Variants in ZSWIM6 observed in about 807,000 individuals in gnomAD.
ZSWIM6 encodes zinc finger SWIM-type containing 6.
In ZSWIM6, 9 loss-of-function variants were observed where a neutral mutation model predicts 113.2. The ratio of observed to expected loss-of-function variants is 0.08; its 90% CI spans 0.05 to 0.14. The LOEUF (loss-of-function observed/expected upper bound fraction) is 0.14. ZSWIM6 is among the 10% of genes least tolerant of loss of function. The pLI, the probability that ZSWIM6 is intolerant of heterozygous loss-of-function variation, is 1.00. For synonymous variants in ZSWIM6, 611 were observed against 606.5 expected (o/e 1.01, Z -0.11); for missense variants, 1,162 against 1,552.2 (o/e 0.75, Z 4.22).
At chr5:61,460,745 T>C (rs951498710) in intron 1 of ZSWIM6, among the ~76,000 whole-genome samples, 1 of 152,116 alleles carries the variant, frequency 6.6e-6, no homozygotes, top group Non-Finnish European at 1.5e-5. Flanking sequence ...TTGTTGAGTA[T>C]CATAATATAT....
intron 1 of ZSWIM6, among the ~76,000 whole-genome samples, chr5:61,366,461 A>G (rs1269231101): frequency 4.6e-5 from 7 of 152,238 alleles, no homozygotes; most frequent in African/African-American, 1.7e-4. Flanking sequence ...CTCTAAAAAG[A>G]CAAAACTAGA....
intron 1 of ZSWIM6, among the ~76,000 whole-genome samples, chr5:61,459,745 A>G (rs147389626): frequency 6.6e-6 from 1 of 152,340 alleles, no homozygotes; most frequent in African/African-American, 2.4e-5. Context: ...TCTAAGTGCC[A>G]CCAGATCTTA....
chr5:61,401,487 T>C (rs1457942823), intron 1 of ZSWIM6, among the ~76,000 whole-genome samples: 4 of 152,118 alleles, frequency 2.6e-5, no homozygotes, highest in Admixed American at 2.6e-4. Context: ...ATAAAGGGTA[T>C]ATAGATACCC....
In ZSWIM6 at chr5:61,384,976, C is replaced by T. The variant is rs1002500366; in HGVS notation, c.676+52028C>T. Reference sequence around the variant, plus strand: ...TCAGGAGGCTGAGGCAGGAGAATGGCGTGAACCCGGGAGGCGGAGGTTGCA... The same window carrying T: ...TCAGGAGGCTGAGGCAGGAGAATGGTGTGAACCCGGGAGGCGGAGGTTGCA... On this transcript the variant is annotated intron_variant, in intron 1 of 13. Transcript: ENST00000252744. 4.6e-5 allele frequency among the ~76,000 whole-genome samples: 7 copies of T among 152,250 alleles called. No individual in the cohort carries two copies. The South Asian group carries it at 6.2e-4, about 14-fold the overall frequency.
At chr5:61,528,505 A>G (rs1749344698) in intron 7 of ZSWIM6, among the ~76,000 whole-genome samples, 1 of 152,056 alleles carries the variant, frequency 6.6e-6, no homozygotes, top group Non-Finnish European at 1.5e-5. Flanking sequence ...TATGAAAGCC[A>G]GCAACAGAAA....
At chr5:61,473,938 T>C (rs1196855427) in intron 2 of ZSWIM6, among the ~76,000 whole-genome samples, 2 of 152,168 alleles carry the variant, frequency 1.3e-5, no homozygotes, top group African/African-American at 4.8e-5. Flanking sequence ...AGAAAAGCAA[T>C]TTGAGGTCCT....
At chr5:61,457,426 C>T (rs1055240049) in intron 1 of ZSWIM6, among the ~76,000 whole-genome samples, 5 of 152,228 alleles carry the variant, frequency 3.3e-5, no homozygotes, top group Non-Finnish European at 5.9e-5. Context: ...TTTTCCTTGA[C>T]TGTATATCCA....
At chr5:61,424,656 T>G (rs966517953) in intron 1 of ZSWIM6, among the ~76,000 whole-genome samples, 2 of 152,162 alleles carry the variant, frequency 1.3e-5, no homozygotes, top group African/African-American at 4.8e-5. Context: ...ATGGAATTAC[T>G]TTTGTTGAGG....
At chr5:61,368,203 G>GC (rs1297162997) in intron 1 of ZSWIM6, among the ~76,000 whole-genome samples, 8 of 150,144 alleles carry the variant, frequency 5.3e-5, no homozygotes, top group African/African-American at 1.9e-4. Flanking sequence ...ATAGCCCAGT[G>GC]CCCAGCACAT....
At chr5:61,422,730 T>C (rs1022574306) in intron 1 of ZSWIM6, among the ~76,000 whole-genome samples, 14 of 152,202 alleles carry the variant, frequency 9.2e-5, no homozygotes, top group Non-Finnish European at 1.6e-4. Flanking sequence ...GTGTGTGTCT[T>C]CTTTTATTTT....
At chr5:61,333,009 G>GGGGGGGGGGGGC in intron 1 of ZSWIM6, 61 bp downstream of exon 1, 1 of 439,894 alleles carries the variant, frequency 2.3e-6, no homozygotes, top group Non-Finnish European at 3.2e-6. Context: ...TGGGGGGGGG[G>GGGGGGGGGGGGC]TGCCCGCCTT....
intron 1 of ZSWIM6, chr5:61,375,479 A>T: frequency 6.4e-7 from 1 of 1,552,878 alleles, no homozygotes; most frequent in African/African-American, 1.4e-5. Context: ...GATTCTGAAG[A>T]TGAGGATAAG....
intron 1 of ZSWIM6, among the ~76,000 whole-genome samples, chr5:61,392,563 G>A (rs975381710): frequency 6.6e-6 from 1 of 152,128 alleles, no homozygotes; most frequent in Admixed American, 6.5e-5. Context: ...CCACTCTCAT[G>A]ATATAATGTG....
At chr5:61,374,621 T>G (rs1023846538) in intron 1 of ZSWIM6, among the ~76,000 whole-genome samples, 1 of 152,218 alleles carries the variant, frequency 6.6e-6, no homozygotes, top group African/African-American at 2.4e-5. Flanking sequence ...TGGCCCGATC[T>G]CGGCTTACTG....
intron 2 of ZSWIM6, among the ~76,000 whole-genome samples, chr5:61,479,312 C>T (rs747229830): frequency 2.0e-5 from 3 of 151,542 alleles, no homozygotes; most frequent in Non-Finnish European, 4.4e-5. Flanking sequence ...AGTCTTTGAA[C>T]TTATGTCTCT....
Position 61,531,737 on chromosome 5 carries a change from C to A in ZSWIM6, c.2245+12C>A, listed in dbSNP as rs1211748713. The A allele has an allele frequency of 5.2e-6, 8 of 1,549,890 alleles. No individual in the cohort carries two copies. The highest frequency in any genetic ancestry group is 3.4e-4 in the Middle Eastern group (2 of 5,866). On this transcript the variant is annotated intron_variant, in intron 9 of 13. Coordinates refer to ENST00000252744, the MANE Select transcript of ZSWIM6 (RefSeq NM_020928.2). ...CTTCCTATTAGAAGGTAGCCTGATA[C>A]AGAAGTTTTCCACTTATTTAGCCAA... is the stretch of plus-strand genomic sequence containing the variant.
intron 1 of ZSWIM6, among the ~76,000 whole-genome samples, chr5:61,416,274 ACT>A (rs1746250736): frequency 1.3e-5 from 2 of 151,964 alleles, no homozygotes; most frequent in South Asian, 4.1e-4. Flanking sequence ...AATTCTAATA[ACT>A]CTTGGGATTT....
intron 5 of ZSWIM6, among the ~76,000 whole-genome samples, chr5:61,523,183 C>G (rs533433821): frequency 5.9e-5 from 9 of 152,284 alleles, no homozygotes; most frequent in African/African-American, 2.2e-4. Flanking sequence ...ACCTGTAGTG[C>G]CCTTCCCTGT....
intron 4 of ZSWIM6, among the ~76,000 whole-genome samples, chr5:61,508,852 A>G (rs975470614): frequency 6.6e-6 from 1 of 152,172 alleles, no homozygotes; most frequent in African/African-American, 2.4e-5. Flanking sequence ...AGTCCATGCT[A>G]TCCACATGGA....
Sources: allele counts gnomAD v4.1 joint callset (sites outside exome capture counted in the v4.1 genomes callset), GRCh38; gene constraint gnomAD v4.1.1; transcripts MANE v1.5; gene names NCBI Gene and HGNC (gene_info 2026-07-23, HGNC 2026-07-21).